OTUD1: variants seen among roughly 807,000 people sequenced by gnomAD.
The protein encoded by OTUD1 is OTU domain-containing protein 1.
Under a neutral mutation model 30.0 loss-of-function variants are expected in OTUD1, and 15 were observed. The observed-to-expected ratio is 0.50, with a 90% CI of 0.33 to 0.77. The LOEUF (loss-of-function observed/expected upper bound fraction) is 0.77. Ranked by LOEUF, OTUD1 falls within the 30% of genes least tolerant of loss-of-function variation. The pLI is 0.02. For missense variants in OTUD1, 796 were observed against 697.8 expected (o/e 1.14, Z -1.59); for synonymous variants, 381 against 326.3 (o/e 1.17, Z -1.81).
Position 23,439,716 on chromosome 10 carries a change from G to A in OTUD1, c.259G>A (p.Ala87Thr). ...SCFEVVSGAA[A>T]PASAAAGPPG... Reference sequence around the variant, plus strand: ...CTTCGAGGTGGTGTCCGGGGCCGCCGCGCCCGCCTCCGCCGCCGCCGGCCC... The same window carrying A: ...CTTCGAGGTGGTGTCCGGGGCCGCCACGCCCGCCTCCGCCGCCGCCGGCCC... The change falls in exon 1 of 1, where the codon GCG (alanine) becomes ACG (threonine). Residue 87 changes from alanine to threonine, a missense_variant. Ala to Thr is a moderately conservative substitution (Grantham distance 58, BLOSUM62 0). Transcript: ENST00000376495. The A allele has an allele frequency of 8.4e-7, 1 of 1,188,868 alleles. No individual in the cohort carries two copies. Among genetic ancestry groups the A allele is most frequent in the Non-Finnish European group, 1.0e-6 (1 of 963,446 alleles). The allele number at this position is 1,188,868 out of a possible 1,614,324, so 73.6% of individuals were successfully genotyped here. A position where few individuals can be genotyped will look rare whatever the true frequency, so the allele number is the denominator to read the frequency against.
Position 23,440,607 on chromosome 10 carries a change from A to G in OTUD1, c.1150A>G (p.Met384Val). 2.6e-6 allele frequency: 4 copies of G among 1,551,718 alleles called. No homozygotes were observed. Among genetic ancestry groups the G allele is most frequent in the Non-Finnish European group, 3.5e-6 (4 of 1,147,012 alleles). The change falls in exon 1 of 1, where the codon ATG becomes GTG. Residue 384 changes from methionine (M) to valine (V), a missense_variant. Met to Val is a conservative substitution (Grantham distance 21). Transcript: ENST00000376495. ...GGCCGGGTACCCGGAGTTGCTGGCC[A>G]TGGGGCAGATGCTGAATGTGAATAT... ...AWAGYPELLA[M>V]GQMLNVNIHL...
rs756307682 is a variant in OTUD1 at position 23,440,371 on chromosome 10, G to A, written c.914G>A (p.Arg305Gln). 3 of 1,551,510 alleles carry A rather than the reference G, an allele frequency of 1.9e-6. No homozygotes were observed. The South Asian group carries it at 3.6e-5, about 18-fold the overall frequency. ...AEVEKQDKYL[R>Q]QRNKYRFHII... ...GTGGAGAAGCAGGACAAGTATCTGC[G>A]GCAGAGGAATAAGTACCGATTCCAC... Residue 305 changes from arginine (R) to glutamine (Q), a missense_variant, in exon 1 of 1, where the codon CGG (arginine) becomes CAG (glutamine). Arg to Gln is a conservative substitution (Grantham distance 43, BLOSUM62 1). Coordinates refer to ENST00000376495, the MANE Select transcript of OTUD1 (RefSeq NM_001145373.3).
rs1228406926 is a variant in OTUD1, at chr10:23,439,593, C to G, written c.136C>G (p.Pro46Ala). ...LQPPGAAGAA[P>A]EPETGECQPA... ...GCCCCCGGGAGCCGCCGGCGCCGCG[C>G]CCGAGCCCGAGACCGGTGAGTGCCA... is the stretch of plus-strand genomic sequence containing the variant. Residue 46 changes from proline (P) to alanine (A), a missense_variant, in exon 1 of 1, where the codon CCC (proline) becomes GCC (alanine). Pro to Ala is a conservative substitution (Grantham distance 27). Transcript: ENST00000376495. The G allele has an allele frequency of 7.3e-7, 1 of 1,364,932 alleles. No individual in the cohort carries two copies. The allele number at this position is 1,364,932 out of a possible 1,614,324, so 84.6% of individuals were successfully genotyped here. A position where few individuals can be genotyped will look rare whatever the true frequency, so the allele number is the denominator to read the frequency against.
In OTUD1 at chr10:23,439,891, G is replaced by A; in HGVS notation, c.434G>A (p.Arg145His). Residue 145 changes from arginine (R) to histidine (H), a missense_variant, in exon 1 of 1, where the codon CGC becomes CAC. Arg to His is a conservative substitution (Grantham distance 29, BLOSUM62 0). Transcript: ENST00000376495. ...AAGSAAAPRG[R>H]CLLLAPAPAA... ...GGCTCCGCCGCTGCCCCGCGCGGCCGCTGCCTCCTGCTCGCCCCGGCGCCC... is the reference window on the plus strand; with the variant it reads ...GGCTCCGCCGCTGCCCCGCGCGGCCACTGCCTCCTGCTCGCCCCGGCGCCC... 2 of 1,184,164 alleles carry A rather than the reference G, an allele frequency of 1.7e-6. No homozygotes were observed. The highest frequency in any genetic ancestry group is 1.0e-6 in the Non-Finnish European group (1 of 960,620). The allele number at this position is 1,184,164 out of a possible 1,614,324, so 73.4% of individuals were successfully genotyped here.
At position 23,440,466 on chromosome 10, in the gene OTUD1, C is replaced by G. The variant is rs1847115727; in HGVS notation, c.1009C>G (p.Arg337Gly). 1.9e-6 allele frequency: 3 copies of G among 1,551,700 alleles called. No homozygotes were observed. Among genetic ancestry groups the G allele is most frequent in the Non-Finnish European group, 1.7e-6 (2 of 1,147,002 alleles). The change falls in exon 1 of 1, where the codon CGG (arginine) becomes GGG (glycine). Residue 337 changes from arginine (R) to glycine (G), a missense_variant. Arg to Gly is a moderately radical substitution (Grantham distance 125). Transcript: ENST00000376495. The stretch of plus-strand genomic sequence containing the variant: ...GGTGTATGGGGACCAGAGCCTGCAC[C>G]GGGAGTTGAGGGAGCAGACGGTGCA... ...KTVYGDQSLH[R>G]ELREQTVHYI...
In OTUD1 at chr10:23,439,309, A is replaced by G. The variant is rs1489682866; in HGVS notation, c.-149A>G. ...ACCCGGGCGCTATTCGCGGCTGCTG[A>G]CTCGCGGCGGCCGGCTGCCTTTCGC... On this transcript the variant is annotated 5_prime_UTR_variant, in exon 1 of 1. Coordinates refer to ENST00000376495, the MANE Select transcript of OTUD1 (RefSeq NM_001145373.3). The G allele has an allele frequency of 9.6e-6, 6 of 623,602 alleles. No homozygotes were observed. The highest frequency in any genetic ancestry group is 1.3e-5 in the Non-Finnish European group (6 of 445,530). The allele number at this position is 623,602 out of a possible 1,614,324, so 38.6% of individuals were successfully genotyped here.
rs576741074 is a variant in OTUD1, at chr10:23,441,935, G to C, written c.*1032G>C. ...TCAAAAGGCAAAATAGGATTGCCCT[G>C]TATTGATGTAGAAATGTCTGTAAAC... On this transcript the variant is annotated 3_prime_UTR_variant, in exon 1 of 1. Transcript: ENST00000376495. The C allele has an allele frequency of 8.4e-5, 14 of 167,098 alleles. No individual in the cohort carries two copies. Among genetic ancestry groups the C allele is most frequent in the South Asian group, 2.1e-4 (1 of 4,826 alleles). The allele number at this position is 167,098 out of a possible 1,614,324, so 10.4% of individuals were successfully genotyped here.
chr10:23,439,947 T>C lies in OTUD1; in HGVS notation c.490T>C (p.Ser164Pro). ...AAPVPPRRGS[S>P]AWLLEELLRP... is the part of the protein sequence containing the mutation. ...CCCGGTCCCGCCGCGGCGGGGCTCC[T>C]CGGCCTGGCTCCTGGAGGAGCTGCT... Residue 164 changes from serine (S) to proline (P), a missense_variant, in exon 1 of 1, where the codon TCG (serine) becomes CCG (proline). Ser to Pro is a moderately conservative substitution (Grantham distance 74, BLOSUM62 -1). Transcript: ENST00000376495. 8.1e-7 allele frequency: 1 copy of C among 1,238,268 alleles called. No individual in the cohort carries two copies. The highest frequency in any genetic ancestry group is 3.3e-5 in the East Asian group (1 of 30,708). 76.7% of individuals were successfully genotyped at this position (1,238,268 alleles called of 1,614,324 possible).
Position 23,440,514 on chromosome 10 carries a change from C to A in OTUD1, c.1057C>A (p.His353Asn). ...TVHYIADHLD[H>N]FSPLIEGDVG... ...GCACTACATCGCCGACCATCTCGAC[C>A]ACTTCAGCCCCCTGATTGAGGGCGA... is the stretch of plus-strand genomic sequence containing the variant. The change falls in exon 1 of 1, where the codon CAC becomes AAC. Residue 353 changes from histidine to asparagine, a missense_variant. Transcript: ENST00000376495. The A allele has an allele frequency of 5.8e-6, 9 of 1,551,728 alleles. No homozygotes were observed. Among genetic ancestry groups the A allele is most frequent in the Non-Finnish European group, 7.8e-6 (9 of 1,147,020 alleles).
chr10:23,441,641 A>G lies in OTUD1; in HGVS notation c.*738A>G, dbSNP rs1427756602. ...CAGGTCTTACTTGAATGAAAGTCTGATATTTGCTGATGGCAGAATGATTAT... is the reference window on the plus strand; with the variant it reads ...CAGGTCTTACTTGAATGAAAGTCTGGTATTTGCTGATGGCAGAATGATTAT... On this transcript the variant is annotated 3_prime_UTR_variant, in exon 1 of 1. Coordinates refer to ENST00000376495, the MANE Select transcript of OTUD1 (RefSeq NM_001145373.3). 1.2e-5 allele frequency: 2 copies of G among 166,532 alleles called. No individual in the cohort carries two copies. Among genetic ancestry groups the G allele is most frequent in the Admixed American group, 1.3e-4 (2 of 15,232 alleles). The allele number at this position is 166,532 out of a possible 1,614,324, so 10.3% of individuals were successfully genotyped here. A position where few individuals can be genotyped will look rare whatever the true frequency, so the allele number is the denominator to read the frequency against.
At position 23,440,824 on chromosome 10, in the gene OTUD1, G is replaced by A; in HGVS notation, c.1367G>A (p.Arg456Lys). 1 of 1,552,144 alleles carries A rather than the reference G, an allele frequency of 6.4e-7. No homozygotes were observed. Among genetic ancestry groups the A allele is most frequent in the Non-Finnish European group, 8.7e-7 (1 of 1,147,092 alleles). Residue 456 changes from arginine (R) to lysine (K), a missense_variant, in exon 1 of 1, where the codon AGG becomes AAG. Transcript: ENST00000376495. The part of the protein sequence containing the change: ...DNWCKQTQVQ[R>K]KRDEELAKSM... Reference sequence around the variant, plus strand: ...TGGTGCAAACAAACTCAAGTGCAAAGGAAACGCGACGAAGAACTTGCCAAA... The same window carrying A: ...TGGTGCAAACAAACTCAAGTGCAAAAGAAACGCGACGAAGAACTTGCCAAA...
rs1394546529 is a variant in OTUD1 at position 23,439,733 on chromosome 10, C to T, written c.276C>T (p.Ala92=). The T allele has an allele frequency of 1.7e-6, 2 of 1,172,678 alleles. No individual in the cohort carries two copies. The highest frequency in any genetic ancestry group is 2.1e-6 in the Non-Finnish European group (2 of 954,104). The allele number at this position is 1,172,678 out of a possible 1,614,324, so 72.6% of individuals were successfully genotyped here. The change falls in exon 1 of 1, where the codon GCC becomes GCT. Residue 92 remains alanine (A), a synonymous_variant. Transcript: ENST00000376495. ...GGGCCGCCGCGCCCGCCTCCGCCGC[C>T]GCCGGCCCGCCCGGCGCGTCCTGCA... ...VSGAAAPASA[A]AGPPGASCKP... is the part of the protein sequence containing the mutation.
Position 23,439,370 on chromosome 10 carries a change from C to T in OTUD1, c.-88C>T, listed in dbSNP as rs1439333675. 20 of 1,156,158 alleles carry T rather than the reference C, an allele frequency of 1.7e-5. No homozygotes were observed. The highest frequency in any genetic ancestry group is 2.2e-5 in the Non-Finnish European group (20 of 923,996). 71.6% of individuals were successfully genotyped at this position (1,156,158 alleles called of 1,614,324 possible). The stretch of plus-strand genomic sequence containing the variant: ...TCTGGGGCCGTTGGGTCACCGCGCT[C>T]CGCCGGCCCCCTCCCCCGGGCCCGG... On this transcript the variant is annotated 5_prime_UTR_variant, in exon 1 of 1. Transcript: ENST00000376495.
Position 23,439,839 on chromosome 10 carries a change from G to T in OTUD1, c.382G>T (p.Gly128Trp). The change falls in exon 1 of 1, where the codon GGG becomes TGG. Residue 128 changes from glycine (G) to tryptophan (W), a missense_variant. Transcript: ENST00000376495. The part of the protein sequence containing the change: ...ALGADRLLLH[G>W]PDPVPGAAGS... ...GGGCGCCGACAGGCTCCTGCTGCAC[G>T]GGCCCGATCCCGTTCCCGGCGCCGC... 1 of 1,121,900 alleles carries T rather than the reference G, an allele frequency of 8.9e-7. No homozygotes were observed. 69.5% of individuals were successfully genotyped at this position (1,121,900 alleles called of 1,614,324 possible). A position where few individuals can be genotyped will look rare whatever the true frequency, so the allele number is the denominator to read the frequency against.
rs1454846092 is a variant in OTUD1, at chr10:23,439,800, A to C, written c.343A>C (p.Thr115Pro). 9 of 1,135,492 alleles carry C rather than the reference A, an allele frequency of 7.9e-6. No individual in the cohort carries two copies. Among genetic ancestry groups the C allele is most frequent in the Non-Finnish European group, 9.7e-6 (9 of 929,570 alleles). 70.3% of individuals were successfully genotyped at this position (1,135,492 alleles called of 1,614,324 possible). A position where few individuals can be genotyped will look rare whatever the true frequency, so the allele number is the denominator to read the frequency against. ...PPHYTSTAQI[T>P]VRALGADRLL... ...GCACTACACGTCCACCGCACAGATC[A>C]CCGTGCGGGCCCTGGGCGCCGACAG... The change falls in exon 1 of 1, where the codon ACC (threonine) becomes CCC (proline). Residue 115 changes from threonine to proline, a missense_variant. Coordinates refer to ENST00000376495, the MANE Select transcript of OTUD1 (RefSeq NM_001145373.3).
At position 23,441,126 on chromosome 10, in the gene OTUD1, T is replaced by C. The variant is rs1288301867; in HGVS notation, c.*223T>C. On this transcript the variant is annotated 3_prime_UTR_variant, in exon 1 of 1. Coordinates refer to ENST00000376495, the MANE Select transcript of OTUD1 (RefSeq NM_001145373.3). ...CTTTGGGTGATTTTACTGCTATTTA[T>C]AATTTGCTGTATAAAGTGAGCATTA... 1.9e-5 allele frequency: 11 copies of C among 566,238 alleles called. No individual in the cohort carries two copies. In the East Asian group the frequency reaches 3.3e-4, roughly 17 times the overall value. 35.1% of individuals were successfully genotyped at this position (566,238 alleles called of 1,614,324 possible).
Position 23,439,435 on chromosome 10 carries a change from G to A in OTUD1, c.-23G>A. The A allele has an allele frequency of 1.6e-6, 2 of 1,267,908 alleles. No individual in the cohort carries two copies. The highest frequency in any genetic ancestry group is 2.0e-6 in the Non-Finnish European group (2 of 1,009,380). 78.5% of individuals were successfully genotyped at this position (1,267,908 alleles called of 1,614,324 possible). Reference sequence around the variant, plus strand: ...GCTCCGGGGCTCGCCGCGCCTATAAGGGGCCGAGCGGCGGGCAGGGACATG... The same window carrying A: ...GCTCCGGGGCTCGCCGCGCCTATAAAGGGCCGAGCGGCGGGCAGGGACATG... On this transcript the variant is annotated 5_prime_UTR_variant, in exon 1 of 1. Transcript: ENST00000376495.
chr10:23,439,679 CT>C lies in OTUD1; in HGVS notation c.224del (p.Phe75SerfsTer121). On this transcript the variant is annotated frameshift_variant, in exon 1 of 1. Coordinates refer to ENST00000376495, the MANE Select transcript of OTUD1 (RefSeq NM_001145373.3). LOFTEE classifies it high-confidence loss of function. ...AAVPAAKMPA[F>X]SSCFEVVSGA... The stretch of plus-strand genomic sequence containing the variant: ...CTGTCCCCGCCGCCAAGATGCCCGC[CT>C]TCTCCTCCTGCTTCGAGGTGGTGTC... 3 of 1,290,414 alleles carry C rather than the reference CT, an allele frequency of 2.3e-6. No homozygotes were observed. Among genetic ancestry groups the C allele is most frequent in the South Asian group, 1.8e-5 (1 of 55,092 alleles). The allele number at this position is 1,290,414 out of a possible 1,614,324, so 79.9% of individuals were successfully genotyped here. A position where few individuals can be genotyped will look rare whatever the true frequency, so the allele number is the denominator to read the frequency against.
Position 23,440,618 on chromosome 10 carries a change from GCTGAATGTGAATATCCATTTAACTA to G in OTUD1, c.1165_1189del (p.Asn389GlufsTer12). The G allele has an allele frequency of 6.4e-7, 1 of 1,551,772 alleles. No individual in the cohort carries two copies. Among genetic ancestry groups the G allele is most frequent in the Non-Finnish European group, 8.7e-7 (1 of 1,147,008 alleles). On this transcript the variant is annotated frameshift_variant, in exon 1 of 1. Coordinates refer to ENST00000376495, the MANE Select transcript of OTUD1 (RefSeq NM_001145373.3). LOFTEE classifies it high-confidence loss of function. The stretch of plus-strand genomic sequence containing the variant: ...CGGAGTTGCTGGCCATGGGGCAGAT[GCTGAATGTGAATATCCATTTAACTA>G]CTGGAGGGAGGCTGGAGAGTCCCAC...
Sources: gnomAD v4.1 joint callset for allele counts on GRCh38, gnomAD v4.1.1 for gene constraint, MANE v1.5 for transcripts, NCBI Gene and HGNC (gene_info 2026-07-23, HGNC 2026-07-21) for gene names.